The following OPCML variants were observed in gnomAD, a reference collection of about 807,000 sequenced individuals.
OPCML encodes the protein opioid-binding protein/cell adhesion molecule.
OPCML carries 13 observed loss-of-function variants against 37.8 expected under a neutral mutation model. The observed-to-expected ratio is 0.34, with a 90% CI of 0.22 to 0.55. The LOEUF is 0.55. Among genes scored for constraint, OPCML ranks in the 20% least tolerant of loss-of-function variants. The pLI is 0.91. For missense variants in OPCML, 341 were observed against 435.6 expected (o/e 0.78, Z 1.93); for synonymous variants, 176 against 168.8 (o/e 1.04, Z -0.33).
Position 133,345,967 on chromosome 11 carries a change from C to T in OPCML, c.61+186297G>A, listed in dbSNP as rs529426119. ...GGACTATTACTTTCTTAGCTCTGGT[C>T]GCTAATACACCAATCAGAAGCCAGA... On this transcript the variant is annotated intron_variant, in intron 1 of 7. Coordinates refer to ENST00000524381, the MANE Select transcript of OPCML (RefSeq NM_001012393.5). Among the ~76,000 whole-genome samples, 13 of 152,256 alleles carry T rather than the reference C, an allele frequency of 8.5e-5. No individual in the cohort carries two copies. The South Asian group carries it at 2.1e-3, about 24-fold the overall frequency.
chr11:132,776,482 G>T (rs1443503676), intron 2 of OPCML, among the ~76,000 whole-genome samples: 1 of 152,112 alleles, frequency 6.6e-6, no homozygotes, highest in Non-Finnish European at 1.5e-5. Flanking sequence ...CAGATCCCTT[G>T]TGAATGGTTC....
At chr11:132,947,276 A>G (rs962927000) in intron 1 of OPCML, among the ~76,000 whole-genome samples, 2 of 152,252 alleles carry the variant, frequency 1.3e-5, no homozygotes, top group Admixed American at 6.5e-5. Context: ...AGCAGCAGAG[A>G]TGGGCAGAAG....
At chr11:132,601,507 C>CCATCCTTCTCCTCACCTTG (rs1343681695) in intron 3 of OPCML, among the ~76,000 whole-genome samples, 1 of 152,182 alleles carries the variant, frequency 6.6e-6, no homozygotes, top group Non-Finnish European at 1.5e-5. Flanking sequence ...ACGTAACCCT[C>CCATCCTTCTCCTCACCTTG]CATCCTTCTC....
Position 133,418,128 on chromosome 11 carries a change from G to A in OPCML, c.61+114136C>T, listed in dbSNP as rs188528720. ...ACTGGTAAGAATATGGCGTGAAGTC[G>A]AAGACAGCAGGAAACAATCAAGAAA... On this transcript the variant is annotated intron_variant, in intron 1 of 7. Coordinates refer to ENST00000524381, the MANE Select transcript of OPCML (RefSeq NM_001012393.5). The A allele has an allele frequency of 4.2e-4, 409 of 985,362 alleles. No individual in the cohort carries two copies. In the African/African-American group the frequency reaches 6.3e-3, roughly 15 times the overall value. The allele number at this position is 985,362 out of a possible 1,614,324, so 61.0% of individuals were successfully genotyped here.
chr11:133,422,377 T>TTTTATATATATGTATATATATATATA (rs1555156350), intron 1 of OPCML: 1 of 636,472 alleles, frequency 1.6e-6, no homozygotes, highest in African/African-American at 3.3e-5. Context: ...ACCAAAGACA[T>TTTTATATATATGTATATATATATATA]TATATATATA....
intron 4 of OPCML, among the ~76,000 whole-genome samples, chr11:132,524,797 T>C (rs971260622): frequency 9.2e-5 from 14 of 152,200 alleles, no homozygotes; most frequent in African/African-American, 3.4e-4. Flanking sequence ...CTGGGATGTC[T>C]TGGGATCCAC....
rs1375507344 is a variant in OPCML, at chr11:133,085,923, T to G, written c.62-142913A>C. On this transcript the variant is annotated intron_variant, in intron 1 of 7. Coordinates refer to ENST00000524381, the MANE Select transcript of OPCML (RefSeq NM_001012393.5). ...ATCTCTGGAAGCTAGTTGAATTGTT[T>G]AATTAACCTGTCGGTTCATCTAATA... Among the ~76,000 whole-genome samples, 3 of 152,178 alleles carry G rather than the reference T, an allele frequency of 2.0e-5. No homozygotes were observed. The East Asian group carries it at 5.8e-4, about 29-fold the overall frequency.
At chr11:133,306,229 A>G (rs1386305894) in intron 1 of OPCML, among the ~76,000 whole-genome samples, 3 of 152,164 alleles carry the variant, frequency 2.0e-5, no homozygotes, top group Non-Finnish European at 4.4e-5. Flanking sequence ...GTTGTATTAC[A>G]AGTCAACAAA....
At chr11:132,924,938 TA>T (rs1326587914) in intron 2 of OPCML, among the ~76,000 whole-genome samples, 1 of 152,206 alleles carries the variant, frequency 6.6e-6, no homozygotes, top group Non-Finnish European at 1.5e-5. Flanking sequence ...CCACAGTTCT[TA>T]GATTTTCTGT....
chr11:132,508,132 T>A (rs1321416918), intron 4 of OPCML, among the ~76,000 whole-genome samples: 6 of 152,208 alleles, frequency 3.9e-5, no homozygotes, highest in Non-Finnish European at 7.4e-5. Flanking sequence ...TAACCATTAA[T>A]ATTATTAAAT....
chr11:132,765,880 G>A (rs1394392685), intron 2 of OPCML, among the ~76,000 whole-genome samples: 1 of 152,126 alleles, frequency 6.6e-6, no homozygotes, highest in Non-Finnish European at 1.5e-5. Flanking sequence ...CTTGACTTCA[G>A]GACTGGAAAG....
intron 1 of OPCML, among the ~76,000 whole-genome samples, chr11:133,259,998 T>C (rs1401488316): frequency 2.0e-5 from 3 of 151,934 alleles, no homozygotes; most frequent in Admixed American, 2.0e-4. Context: ...GAATAAACAA[T>C]ATATGGGCAT....
chr11:133,054,673 C>G (rs7102095), intron 1 of OPCML, among the ~76,000 whole-genome samples: 95,096 of 151,908 alleles, frequency 0.63, 30,058 homozygotes, highest in African/African-American at 0.71. Flanking sequence ...GGACACTTCT[C>G]AGTCTGCTCT....
chr11:133,023,679 T>C (rs768837620), intron 1 of OPCML, among the ~76,000 whole-genome samples: 52 of 152,184 alleles, frequency 3.4e-4, no homozygotes, highest in Non-Finnish European at 4.9e-4. Flanking sequence ...AATTCAAATT[T>C]AGTTAAGAGT....
intron 1 of OPCML, among the ~76,000 whole-genome samples, chr11:133,149,494 A>G (rs1280793742): frequency 2.6e-5 from 4 of 152,228 alleles, no homozygotes; most frequent in Non-Finnish European, 5.9e-5. Flanking sequence ...GAAGACATAC[A>G]ATTTACATCT....
intron 4 of OPCML, among the ~76,000 whole-genome samples, chr11:132,512,286 A>G (rs2137187703): frequency 6.6e-6 from 1 of 152,224 alleles, no homozygotes; most frequent in South Asian, 2.1e-4. Context: ...ATTTTGGAAA[A>G]TAGTTTGGTG....
At chr11:133,076,139 T>C (rs1305514229) in intron 1 of OPCML, among the ~76,000 whole-genome samples, 1 of 152,230 alleles carries the variant, frequency 6.6e-6, no homozygotes, top group African/African-American at 2.4e-5. Flanking sequence ...GTTTTTTTCA[T>C]ACAATAGGGT....
rs566019911 is a variant in OPCML at position 133,274,233 on chromosome 11, A to T, written c.61+258031T>A. Among the ~76,000 whole-genome samples, 3 of 152,300 alleles carry T rather than the reference A, an allele frequency of 2.0e-5. No individual in the cohort carries two copies. The East Asian group carries it at 5.8e-4, about 29-fold the overall frequency. On this transcript the variant is annotated intron_variant, in intron 1 of 7. Transcript: ENST00000524381. The stretch of plus-strand genomic sequence containing the variant: ...CATCCTCCCAGAAAAGCTGTGTTGA[A>T]GTCCTATTACCTGGTCCCTCATACC...
intron 3 of OPCML, among the ~76,000 whole-genome samples, chr11:132,545,151 C>T (rs148093856): frequency 1.2e-3 from 182 of 152,164 alleles, no homozygotes; most frequent in Non-Finnish European, 2.1e-3. Context: ...GAGCCAAATA[C>T]CCACTATGCA....
Sources: gnomAD v4.1 joint callset for allele counts (sites outside exome capture counted in the v4.1 genomes callset) on GRCh38, gnomAD v4.1.1 for gene constraint, MANE v1.5 for transcripts, NCBI Gene and HGNC (gene_info 2026-07-23, HGNC 2026-07-21) for gene names.